The following CCDC7 variants were observed in gnomAD, a reference collection of about 807,000 sequenced individuals.
The protein encoded by CCDC7 is coiled-coil domain containing 7.
Under a neutral mutation model 196.9 loss-of-function variants are expected in CCDC7, and 183 were observed. The observed-to-expected ratio is 0.93, with a 90% CI of 0.82 to 1.05. The LOEUF (loss-of-function observed/expected upper bound fraction) is 1.05, where lower values mean the gene tolerates loss of function less well. Ranked by LOEUF, CCDC7 falls within the 50% of genes least tolerant of loss-of-function variation. The pLI, the probability that CCDC7 is intolerant of heterozygous loss-of-function variation, is 0.00. For synonymous variants in CCDC7, 525 were observed against 484.6 expected (o/e 1.08, Z -1.10); for missense variants, 1,540 against 1,482.2 (o/e 1.04, Z -0.64).
chr10:32,790,293 T>A (rs1377122443), intron 29 of CCDC7, among the ~76,000 whole-genome samples: 1 of 152,212 alleles, frequency 6.6e-6, no homozygotes, highest in Non-Finnish European at 1.5e-5. Context: ...GACCCCAGAC[T>A]GTCCATGACA....
In CCDC7 at chr10:32,554,500, T is replaced by G. The variant is rs79557324; in HGVS notation, c.1134+10199T>G. ...GAGCTCCCAGGGCTTTTCTGCTGCT[T>G]CTTCTACTCTTATATTTCACTTGGC... On this transcript the variant is annotated intron_variant, in intron 13 of 41. Transcript: ENST00000639629. Among the ~76,000 whole-genome samples the G allele has an allele frequency of 8.1e-3, 1,237 of 152,336 alleles. 7 individuals carry two copies. The highest frequency in any genetic ancestry group is 0.02 in the Middle Eastern group (6 of 294).
At chr10:32,619,521 T>C (rs1382573072) in intron 18 of CCDC7, among the ~76,000 whole-genome samples, 1 of 152,106 alleles carries the variant, frequency 6.6e-6, no homozygotes, top group African/African-American at 2.4e-5. Flanking sequence ...ATAACATACA[T>C]ATGCACACAT....
At chr10:32,487,564 A>C (rs1009169760) in intron 8 of CCDC7, among the ~76,000 whole-genome samples, 27 of 152,114 alleles carry the variant, frequency 1.8e-4, no homozygotes, top group Non-Finnish European at 3.1e-4. Flanking sequence ...AGGCACTCTG[A>C]TTTTTAGAGT....
chr10:32,745,622 A>T (rs1437278269), intron 28 of CCDC7, among the ~76,000 whole-genome samples: 1 of 152,200 alleles, frequency 6.6e-6, no homozygotes, highest in Non-Finnish European at 1.5e-5. Flanking sequence ...ACCTAACACC[A>T]GCTACGACCT....
chr10:32,789,942 GTTAAATC>G (rs2082436031), intron 29 of CCDC7, among the ~76,000 whole-genome samples: 1 of 152,198 alleles, frequency 6.6e-6, no homozygotes. Flanking sequence ...GGAAAGCAAC[GTTAAATC>G]TTAAAACTAG....
chr10:32,828,479 GGAAGAGGAAGAAGAA>G (rs1250064721), intron 32 of CCDC7, among the ~76,000 whole-genome samples: 1,457 of 61,156 alleles, frequency 0.024, 14 homozygotes, highest in Middle Eastern at 0.034. Context: ...AAGAGGAAGA[GGAAGAGGAAGAAGAA>G]GAAGAAGAAG....
At chr10:32,848,045 A>T in intron 38 of CCDC7, 129 bp downstream of exon 39, 1 of 530,658 alleles carries the variant, frequency 1.9e-6, no homozygotes, top group South Asian at 3.6e-5. Context: ...ATTTTCTCAT[A>T]TAATTAGTTA....
chr10:32,457,872 A>G (rs1189089049), intron 3 of CCDC7, among the ~76,000 whole-genome samples: 1 of 150,614 alleles, frequency 6.6e-6, no homozygotes, highest in Non-Finnish European at 1.5e-5. Context: ...TTTTAAAATC[A>G]GTTTTTTTTT....
chr10:32,596,006 G>T (rs545497528), intron 18 of CCDC7, among the ~76,000 whole-genome samples: 54 of 152,290 alleles, frequency 3.5e-4, no homozygotes, highest in Non-Finnish European at 5.9e-4. Context: ...GTGCTGAGAA[G>T]AATGTATATT....
intron 23 of CCDC7, among the ~76,000 whole-genome samples, chr10:32,693,077 T>G (rs569351287): frequency 5.9e-5 from 9 of 152,342 alleles, no homozygotes; most frequent in South Asian, 2.1e-4. Context: ...CCACCTCTCA[T>G]GTCCAATAGT....
At chr10:32,543,143 G>A (rs1252388981) in intron 11 of CCDC7, among the ~76,000 whole-genome samples, 157 bp from the exon 13 acceptor site, 1 of 152,120 alleles carries the variant, frequency 6.6e-6, no homozygotes, top group Non-Finnish European at 1.5e-5. Flanking sequence ...CAGACCAGAT[G>A]TGTCATTTTA....
intron 9 of CCDC7, among the ~76,000 whole-genome samples, chr10:32,501,829 C>T (rs1435937667): frequency 6.6e-6 from 1 of 152,194 alleles, no homozygotes; most frequent in East Asian, 1.9e-4. Context: ...CAGGGACCCA[C>T]TTGAGAAGGC....
intron 29 of CCDC7, among the ~76,000 whole-genome samples, chr10:32,786,330 G>A (rs1282674940): frequency 6.6e-6 from 1 of 152,070 alleles, no homozygotes; most frequent in African/African-American, 2.4e-5. Context: ...ATATCCAAAT[G>A]AACAACTTTC....
At chr10:32,618,614 C>T (rs766599669) in intron 18 of CCDC7, among the ~76,000 whole-genome samples, 20 of 151,950 alleles carry the variant, frequency 1.3e-4, no homozygotes, top group Non-Finnish European at 2.4e-4. Flanking sequence ...TTTCTCTCAG[C>T]ACTTTGAAAA....
At chr10:32,578,639 T>C (rs907066726) in intron 16 of CCDC7, among the ~76,000 whole-genome samples, 6 of 150,774 alleles carry the variant, frequency 4.0e-5, no homozygotes, top group African/African-American at 1.5e-4. Context: ...TGACAGGAGG[T>C]GGAGCTCAGG....
intron 28 of CCDC7, among the ~76,000 whole-genome samples, chr10:32,763,420 G>A (rs934003603): frequency 2.6e-5 from 4 of 151,804 alleles, no homozygotes; most frequent in Admixed American, 6.6e-5. Context: ...AAAAACAATA[G>A]GGAGTTTCTT....
intron 20 of CCDC7, among the ~76,000 whole-genome samples, chr10:32,663,780 A>C (rs964039020): frequency 4.0e-5 from 6 of 151,830 alleles, no homozygotes; most frequent in Admixed American, 1.3e-4. Context: ...GCCTATGAAT[A>C]TATATTAATC....
chr10:32,559,582 C>A (rs539835031), intron 13 of CCDC7, among the ~76,000 whole-genome samples: 3 of 152,320 alleles, frequency 2.0e-5, no homozygotes, highest in East Asian at 3.9e-4. Context: ...GGACCTCTAG[C>A]AAACTCCAAC....
At chr10:32,623,707 A>G (rs1319646390) in intron 18 of CCDC7, 1 of 468,622 alleles carries the variant, frequency 2.1e-6, no homozygotes, top group East Asian at 7.0e-5. Context: ...ATTTTGTCTC[A>G]TGGTTCTGTA....
Sources: gnomAD v4.1 joint callset for allele counts (sites outside exome capture counted in the v4.1 genomes callset) on GRCh38, gnomAD v4.1.1 for gene constraint, MANE v1.5 for transcripts, NCBI Gene and HGNC (gene_info 2026-07-23, HGNC 2026-07-21) for gene names.